CFAP54: variants seen among roughly 807,000 people sequenced by gnomAD.
CFAP54 encodes cilia and flagella associated protein 54.
Under a neutral mutation model 370.4 loss-of-function variants are expected in CFAP54, and 290 were observed. The observed-to-expected ratio is 0.78, with a 90% CI of 0.71 to 0.86. The LOEUF (loss-of-function observed/expected upper bound fraction) is 0.86, where lower values mean the gene tolerates loss of function less well. CFAP54 is among the 40% of genes least tolerant of loss of function. The pLI is 0.00. For synonymous variants in CFAP54, 1,206 were observed against 1,236.5 expected, an observed-to-expected ratio of 0.98 and a Z score of 0.52; for missense variants, 3,399 against 3,528.7, an observed-to-expected ratio of 0.96 and a Z score of 0.93.
intron 66 of CFAP54, among the ~76,000 whole-genome samples, chr12:96,842,101 T>C (rs888027490): frequency 4.6e-5 from 7 of 152,226 alleles, no homozygotes; most frequent in Admixed American, 4.6e-4. Flanking sequence ...ACTTAGCCTA[T>C]CTAAATGTTT....
In CFAP54 at chr12:96,874,618, TTTATTTTTATTTTA is replaced by T. The variant is rs1369288334; in HGVS notation, c.*15-497_*15-484del. ...TTCTGTTTTGGGATCTCTGCTTTTT[TTTATTTTTATTTTA>T]TTTTTTTTTTTTTTTGAGACGGAGT... is the stretch of plus-strand genomic sequence containing the variant. On this transcript the variant is annotated intron_variant, in intron 67 of 67. Coordinates refer to ENST00000524981, the MANE Select transcript of CFAP54 (RefSeq NM_001306084.2). Among the ~76,000 whole-genome samples the T allele has an allele frequency of 9.8e-3, 103 of 10,498 alleles. 26 individuals carry two copies. The highest frequency in any genetic ancestry group is 0.25 in the East Asian group (2 of 8). The allele number at this position is 10,498 out of a possible 152,430, so 6.9% of individuals were successfully genotyped here. A position where few individuals can be genotyped will look rare whatever the true frequency, so the allele number is the denominator to read the frequency against.
At chr12:96,744,423 C>G (rs1958088550) in intron 55 of CFAP54, among the ~76,000 whole-genome samples, 1 of 152,068 alleles carries the variant, frequency 6.6e-6, no homozygotes, top group African/African-American at 2.4e-5. Context: ...GGTCATCAGT[C>G]TTTTGGATTA....
chr12:96,643,006 C>T (rs1344328086), intron 32 of CFAP54, among the ~76,000 whole-genome samples: 3 of 152,134 alleles, frequency 2.0e-5, no homozygotes, highest in South Asian at 2.1e-4. Context: ...CCTGAACTAT[C>T]GCACTCTCCA....
chr12:96,793,890 C>A (rs1271910636), intron 63 of CFAP54, among the ~76,000 whole-genome samples: 2 of 118,044 alleles, frequency 1.7e-5, no homozygotes, highest in East Asian at 5.2e-4. Flanking sequence ...CCTTAGCCCA[C>A]TTTTTGATGG....
At chr12:96,770,040 C>T (rs983557497) in intron 60 of CFAP54, among the ~76,000 whole-genome samples, 1 of 152,186 alleles carries the variant, frequency 6.6e-6, no homozygotes, top group Non-Finnish European at 1.5e-5. Flanking sequence ...TGCAATTCCT[C>T]TACTATTATC....
At position 96,598,683 on chromosome 12, in the gene CFAP54, A is replaced by G. The variant is rs1014742413; in HGVS notation, c.3555A>G (p.Pro1185=). The change falls in exon 26 of 68, where the codon CCA becomes CCG. Residue 1185 remains proline, a synonymous_variant. Coordinates refer to ENST00000524981, the MANE Select transcript of CFAP54 (RefSeq NM_001306084.2). The part of the protein sequence containing the change: ...IKCIVVLQGL[P]SIVCSKKHTA... ...GTATAGTGGTTTTGCAAGGACTACC[A>G]AGTATTGTCTGCTCGAAGAAACATA... 3 of 679,780 alleles carry G rather than the reference A, an allele frequency of 4.4e-6. No homozygotes were observed. Among genetic ancestry groups the G allele is most frequent in the Non-Finnish European group, 8.1e-6 (3 of 372,452 alleles). 42.1% of individuals were successfully genotyped at this position (679,780 alleles called of 1,614,324 possible). A position where few individuals can be genotyped will look rare whatever the true frequency, so the allele number is the denominator to read the frequency against.
Position 96,753,761 on chromosome 12 carries a change from A to G in CFAP54, c.7703A>G (p.Gln2568Arg), listed in dbSNP as rs761543141. Residue 2568 changes from glutamine to arginine, a missense_variant, in exon 56 of 68, where the codon CAA becomes CGA. By Grantham distance (43) the Gln-to-Arg change is conservative. This residue lies in a region of CFAP54 where 2,796 missense variants were observed against 2,869.7 expected (regional missense o/e 0.97). Coordinates refer to ENST00000524981, the MANE Select transcript of CFAP54 (RefSeq NM_001306084.2). ...CTTTTAGGACATACAGTGGCCAAGCAAGTATATTACAAGAATAAAAGGAAG... is the reference window on the plus strand; with the variant it reads ...CTTTTAGGACATACAGTGGCCAAGCGAGTATATTACAAGAATAAAAGGAAG... ...KMRIGHTVAK[Q>R]VYYKNKRKDP... is the part of the protein sequence containing the mutation. 1 of 1,613,744 alleles carries G rather than the reference A, an allele frequency of 6.2e-7. No homozygotes were observed. The highest frequency in any genetic ancestry group is 1.7e-5 in the Admixed American group (1 of 60,010).
chr12:96,608,536 A>G (rs1361905438), intron 26 of CFAP54, among the ~76,000 whole-genome samples: 1 of 137,650 alleles, frequency 7.3e-6, no homozygotes, highest in Non-Finnish European at 1.5e-5. Flanking sequence ...ATCTCAGCTC[A>G]CTGCAACCTC....
At position 96,689,111 on chromosome 12, in the gene CFAP54, G is replaced by A. The variant is rs558141334; in HGVS notation, c.6081+129G>A. 2.3e-4 allele frequency: 124 copies of A among 535,844 alleles called. No individual in the cohort carries two copies. In the East Asian group the frequency reaches 4.0e-3, roughly 17 times the overall value. 33.2% of individuals were successfully genotyped at this position (535,844 alleles called of 1,614,324 possible). A position where few individuals can be genotyped will look rare whatever the true frequency, so the allele number is the denominator to read the frequency against. ...CATGAATCTTGATTAAATATGACAA[G>A]CCCGTCTTTCTCTTGCTGGCTGAAC... On this transcript the variant is annotated intron_variant, in intron 43 of 67. Transcript: ENST00000524981.
At chr12:96,648,121 G>C (rs1454084839) in intron 34 of CFAP54, 104 bp downstream of exon 34, 2 of 779,070 alleles carry the variant, frequency 2.6e-6, no homozygotes, top group Non-Finnish European at 3.5e-6. Flanking sequence ...TATACACCCA[G>C]TTTTCCAAAG....
At chr12:96,605,207 C>T (rs753157987) in intron 26 of CFAP54, among the ~76,000 whole-genome samples, 15 of 152,210 alleles carry the variant, frequency 9.9e-5, no homozygotes, top group African/African-American at 2.6e-4. Flanking sequence ...TATTATACTG[C>T]GTTAAACCTG....
At chr12:96,518,455 G>A (rs1466012741) in intron 5 of CFAP54, among the ~76,000 whole-genome samples, 1 of 152,220 alleles carries the variant, frequency 6.6e-6, no homozygotes, top group Non-Finnish European at 1.5e-5. Flanking sequence ...GGGAGGCCGA[G>A]GCGGGTGGAT....
At chr12:96,657,256 C>T (rs996852558) in intron 36 of CFAP54, among the ~76,000 whole-genome samples, 3 of 152,184 alleles carry the variant, frequency 2.0e-5, no homozygotes, top group Admixed American at 2.0e-4. Context: ...ATAGGACATG[C>T]ACACTATTGG....
chr12:96,522,963 A>G lies in CFAP54; in HGVS notation c.1158+774A>G, dbSNP rs141412700. 4.2e-3 allele frequency among the ~76,000 whole-genome samples: 644 copies of G among 152,328 alleles called. 7 individuals are homozygous for G. The highest frequency in any genetic ancestry group is 0.015 in the African/African-American group (609 of 41,576). On this transcript the variant is annotated intron_variant, in intron 8 of 67. Transcript: ENST00000524981. Reference sequence around the variant, plus strand: ...GATGATCACAGGGCAGGGAGTAGGCAAAGTTACACCTGTGGGGCCCTCGGC... The same window carrying G: ...GATGATCACAGGGCAGGGAGTAGGCGAAGTTACACCTGTGGGGCCCTCGGC...
intron 63 of CFAP54, among the ~76,000 whole-genome samples, chr12:96,797,082 C>G (rs1298844868): frequency 6.6e-6 from 1 of 152,092 alleles, no homozygotes; most frequent in Non-Finnish European, 1.5e-5. Flanking sequence ...ACGATTTCTC[C>G]TTTGGCTCAT....
At chr12:96,743,594 G>T (rs766816575) in intron 53 of CFAP54, 35 bp downstream of exon 53, 7 of 1,612,320 alleles carry the variant, frequency 4.3e-6, no homozygotes, top group Non-Finnish European at 5.9e-6. Context: ...TTATAGTCAG[G>T]GAGGGATTCC....
chr12:96,769,938 C>T (rs1464430805), intron 60 of CFAP54, among the ~76,000 whole-genome samples: 1 of 152,142 alleles, frequency 6.6e-6, no homozygotes, highest in Admixed American at 6.5e-5. Flanking sequence ...GCAAACCTTC[C>T]AGCCTGAAAA....
intron 65 of CFAP54, among the ~76,000 whole-genome samples, chr12:96,826,729 TATATA>T (rs1304564548): frequency 1.8e-5 from 2 of 112,008 alleles, no homozygotes; most frequent in Non-Finnish European, 3.3e-5. Context: ...CAGAATATAT[TATATA>T]ATATATAATT....
intron 32 of CFAP54, among the ~76,000 whole-genome samples, chr12:96,642,488 CTG>C (rs1184745817): frequency 6.6e-6 from 1 of 152,072 alleles, no homozygotes; most frequent in Non-Finnish European, 1.5e-5. Context: ...ATATAAATCT[CTG>C]TATCTCTCTA....
Sources: gnomAD v4.1 joint callset for allele counts (sites outside exome capture counted in the v4.1 genomes callset) on GRCh38, gnomAD v4.1.1 for gene constraint, gnomAD v4.1.1 regional missense constraint, MANE v1.5 for transcripts, NCBI Gene and HGNC (gene_info 2026-07-23, HGNC 2026-07-21) for gene names.